The following DNAH14 variants were observed in gnomAD, a reference collection of about 807,000 sequenced individuals.
DNAH14 encodes the protein axonemal beta dynein heavy chain 14.
Under a neutral mutation model 520.9 loss-of-function variants are expected in DNAH14, and 478 were observed. The observed-to-expected ratio is 0.92, with a 90% CI of 0.85 to 0.99. The LOEUF (loss-of-function observed/expected upper bound fraction) is 0.99, where lower values mean the gene tolerates loss of function less well. Ranked by LOEUF, DNAH14 falls within the 50% of genes least tolerant of loss-of-function variation. DNAH14 has a pLI of 0.00. For synonymous variants in DNAH14, 1,581 were observed against 1,757.2 expected (o/e 0.90, Z 2.51); for missense variants, 4,831 against 5,234.5 (o/e 0.92, Z 2.38).
intron 53 of DNAH14, among the ~76,000 whole-genome samples, chr1:225,276,973 GGA>G (rs2093485700): frequency 1.2e-4 from 7 of 59,628 alleles, no homozygotes; most frequent in African/African-American, 4.0e-4. Context: ...AAGGAAGGAA[GGA>G]AGGAAGGAAG....
At position 225,135,673 on chromosome 1, in the gene DNAH14, A is replaced by G. The variant is rs182875161; in HGVS notation, c.4255-5095A>G. 4.5e-3 allele frequency among the ~76,000 whole-genome samples: 688 copies of G among 152,194 alleles called. 2 individuals are homozygous for G. Among genetic ancestry groups the G allele is most frequent in the Middle Eastern group, 0.017 (5 of 294 alleles). On this transcript the variant is annotated intron_variant, in intron 27 of 85. Transcript: ENST00000682510. ...GGGGTAAAGAGTTCTATATATGTCT[A>G]TTAGGTCCATTTAGTCAAGTTCAGG... is the stretch of plus-strand genomic sequence containing the variant.
intron 66 of DNAH14, among the ~76,000 whole-genome samples, chr1:225,335,068 A>G (rs933006635): frequency 2.0e-5 from 3 of 149,216 alleles, no homozygotes; most frequent in Non-Finnish European, 4.5e-5. Context: ...ATATATGTAT[A>G]TATAACGTAC....
At chr1:225,348,142 C>T (rs2095314382) in intron 71 of DNAH14, among the ~76,000 whole-genome samples, 1 of 151,944 alleles carries the variant, frequency 6.6e-6, no homozygotes, top group Non-Finnish European at 1.5e-5. Context: ...AATCAGCAAA[C>T]TTGAAGACAG....
chr1:225,346,330 G>A lies in DNAH14; in HGVS notation c.11047G>A (p.Asp3683Asn). The change falls in exon 70 of 86, where the codon GAT becomes AAT. Residue 3683 changes from aspartate (D) to asparagine (N), a missense_variant. Physicochemically the swap from Asp to Asn is conservative, Grantham distance 23 (BLOSUM62 1). Transcript: ENST00000682510. ...PNLENEKNLL[D>N]KHIKSAIDML... The stretch of plus-strand genomic sequence containing the variant: ...CCTGGAAAATGAGAAAAATCTCTTA[G>A]ATAAGCATATTAAAAGTGCAATAGA... 6.5e-7 allele frequency: 1 copy of A among 1,539,676 alleles called. No individual in the cohort carries two copies. The highest frequency in any genetic ancestry group is 8.7e-7 in the Non-Finnish European group (1 of 1,143,826).
At chr1:225,273,375 G>C (rs1164345886) in intron 52 of DNAH14, among the ~76,000 whole-genome samples, 1 of 152,218 alleles carries the variant, frequency 6.6e-6, no homozygotes, top group Non-Finnish European at 1.5e-5. Flanking sequence ...AGCTTGCAGT[G>C]AGCCGATGAG....
chr1:225,157,954 G>A (rs1052462040), intron 34 of DNAH14, among the ~76,000 whole-genome samples: 1 of 152,176 alleles, frequency 6.6e-6, no homozygotes, highest in Admixed American at 6.5e-5. Flanking sequence ...TCACAGATAG[G>A]AGGAATTTTT....
At chr1:225,110,296 G>A (rs924165003) in intron 23 of DNAH14, among the ~76,000 whole-genome samples, 3 of 152,020 alleles carry the variant, frequency 2.0e-5, no homozygotes, top group Admixed American at 6.6e-5. Context: ...CAGCAGTGAA[G>A]CATCAGGTCC....
chr1:225,070,726 T>G (rs2071456321), intron 17 of DNAH14, among the ~76,000 whole-genome samples: 2 of 152,194 alleles, frequency 1.3e-5, no homozygotes, highest in African/African-American at 2.4e-5. Flanking sequence ...CAGGTCCATT[T>G]GATCCAGTGC....
At chr1:224,975,437 T>C (rs1257730494) in intron 8 of DNAH14, among the ~76,000 whole-genome samples, 1 of 152,118 alleles carries the variant, frequency 6.6e-6, no homozygotes, top group Non-Finnish European at 1.5e-5. Context: ...ATTCAACTTC[T>C]TCCTGGTTTA....
chr1:225,153,749 G>A lies in DNAH14; in HGVS notation c.5197-1G>A, dbSNP rs758120570. ...AATTCAAATATTTTAATGTTTGATA[G>A]GATCATTATAATTTTGGCTTGAGAT... On this transcript the variant is annotated splice_acceptor_variant, in intron 33 of 85. Coordinates refer to ENST00000682510, the MANE Select transcript of DNAH14 (RefSeq NM_001367479.1). LOFTEE classifies it high-confidence loss of function. 7.7e-5 allele frequency: 118 copies of A among 1,536,350 alleles called. No individual in the cohort carries two copies. Among genetic ancestry groups the A allele is most frequent in the East Asian group, 4.7e-4 (19 of 40,716 alleles).
At chr1:225,295,298 G>C (rs574501562) in intron 55 of DNAH14, among the ~76,000 whole-genome samples, 1 of 151,756 alleles carries the variant, frequency 6.6e-6, no homozygotes, top group African/African-American at 2.4e-5. Context: ...CTAATTTTGG[G>C]TTCGTTTGTT....
intron 5 of DNAH14, among the ~76,000 whole-genome samples, 159 bp downstream of exon 5, chr1:224,964,768 CATTTT>C (rs2061056881): frequency 6.6e-6 from 1 of 152,020 alleles, no homozygotes; most frequent in African/African-American, 2.4e-5. Flanking sequence ...GACATCATTT[CATTTT>C]ACTTATTTAA....
intron 36 of DNAH14, among the ~76,000 whole-genome samples, chr1:225,183,552 A>G (rs2084299395): frequency 6.6e-6 from 1 of 152,220 alleles, no homozygotes; most frequent in South Asian, 2.1e-4. Context: ...AAGAAAAGAA[A>G]TAACTAAAAT....
At chr1:225,344,005 T>C (rs983829057) in intron 69 of DNAH14, among the ~76,000 whole-genome samples, 1 of 152,226 alleles carries the variant, frequency 6.6e-6, no homozygotes, top group Non-Finnish European at 1.5e-5. Flanking sequence ...GGGTTTAAGA[T>C]AACACACATT....
At chr1:225,141,271 G>T (rs1467213405) in intron 28 of DNAH14, among the ~76,000 whole-genome samples, 1 of 152,004 alleles carries the variant, frequency 6.6e-6, no homozygotes, top group Non-Finnish European at 1.5e-5. Flanking sequence ...GATATTTAGA[G>T]AGACAGATCA....
rs2091246081 is a variant in DNAH14, at chr1:225,232,769, GT to G, written c.6518+1620del. Among the ~76,000 whole-genome samples the G allele has an allele frequency of 6.6e-6, 1 of 152,112 alleles. No individual in the cohort carries two copies. Among genetic ancestry groups the G allele is most frequent in the Admixed American group, 6.6e-5 (1 of 15,266 alleles). ...TTCCCTGACTCCCACATCTAAACTAGTTATCCCTACTATTATTCTTCATGCA... is the reference window on the plus strand; with the variant it reads ...TTCCCTGACTCCCACATCTAAACTAGTATCCCTACTATTATTCTTCATGCA... On this transcript the variant is annotated intron_variant, in intron 42 of 85. Coordinates refer to ENST00000682510, the MANE Select transcript of DNAH14 (RefSeq NM_001367479.1). This position sits in a 1 kb window ranked among gnomAD's most constrained non-coding sequence, Gnocchi z 4.2.
intron 55 of DNAH14, among the ~76,000 whole-genome samples, chr1:225,300,263 T>G (rs1010024271): frequency 6.6e-6 from 1 of 152,166 alleles, no homozygotes; most frequent in Non-Finnish European, 1.5e-5. Flanking sequence ...GCCCAATTCA[T>G]TATTGTACCC....
chr1:225,351,993 G>T (rs1048568967), intron 72 of DNAH14, 110 bp downstream of exon 72: 3 of 795,588 alleles, frequency 3.8e-6, no homozygotes, highest in Non-Finnish European at 5.8e-6. Flanking sequence ...ATTGAAGGGA[G>T]GACTATAACT....
intron 8 of DNAH14, among the ~76,000 whole-genome samples, chr1:224,976,607 C>G (rs1248380234): frequency 6.6e-6 from 1 of 151,808 alleles, no homozygotes; most frequent in East Asian, 1.9e-4. Context: ...GGGCTAATAT[C>G]CAGAAAGTAC....
Sources: allele counts gnomAD v4.1 joint callset (sites outside exome capture counted in the v4.1 genomes callset), GRCh38; gene constraint gnomAD v4.1.1; non-coding constraint Gnocchi (gnomAD v3.1); transcripts MANE v1.5; gene names NCBI Gene and HGNC (gene_info 2026-07-23, HGNC 2026-07-21).